Variants in KAZN observed in about 807,000 individuals in gnomAD.
The protein encoded by KAZN is kazrin.
Under a neutral mutation model 87.4 loss-of-function variants are expected in KAZN, and 40 were observed. The ratio of observed to expected loss-of-function variants is 0.46; its 90% CI spans 0.36 to 0.60. The LOEUF is 0.60. Among genes scored for constraint, KAZN ranks in the 20% least tolerant of loss-of-function variants. The pLI, the probability that KAZN is intolerant of heterozygous loss-of-function variation, is 0.00. For missense variants in KAZN, 898 were observed against 1,073.9 expected (o/e 0.84, Z 2.29); for synonymous variants, 466 against 458.3 (o/e 1.02, Z -0.22).
intron 1 of KAZN, among the ~76,000 whole-genome samples, chr1:14,738,628 G>T (rs1004509323): frequency 4.6e-5 from 7 of 152,160 alleles, no homozygotes; most frequent in Non-Finnish European, 8.8e-5. Context: ...TTCAGGAGAA[G>T]AGAGGTAAGT....
chr1:14,976,486 C>G (rs979429662), intron 2 of KAZN, among the ~76,000 whole-genome samples: 4 of 152,232 alleles, frequency 2.6e-5, no homozygotes, highest in Non-Finnish European at 4.4e-5. Flanking sequence ...CGACCCAGAA[C>G]ATGGTTCAGA....
intron 2 of KAZN, among the ~76,000 whole-genome samples, chr1:14,559,524 G>A (rs917530879): frequency 1.3e-5 from 2 of 152,184 alleles, no homozygotes; most frequent in African/African-American, 2.4e-5. Context: ...TCTTTAAAAT[G>A]AGACCAGAAT....
intron 1 of KAZN, chr1:14,924,211 G>C (rs1475551089): frequency 2.0e-6 from 2 of 981,342 alleles, no homozygotes; most frequent in Non-Finnish European, 2.4e-6. Context: ...GCCGGACTGA[G>C]AGCCCTGGTC....
In KAZN at chr1:14,624,347, G is replaced by A. The variant is rs111716494; in HGVS notation, c.226+25124G>A. Among the ~76,000 whole-genome samples, 996 of 152,064 alleles carry A rather than the reference G, an allele frequency of 6.5e-3. 11 individuals are homozygous for A. Among genetic ancestry groups the A allele is most frequent in the African/African-American group, 0.023 (943 of 41,486 alleles). ...TGAGGCAGGAGAATCGCTTGAATCC[G>A]GGAGGCGGAGGTTGCAGTGAGCCAA... On this transcript the variant is annotated intron_variant, in intron 1 of 14. Transcript: ENST00000376030.
intron 1 of KAZN, among the ~76,000 whole-genome samples, chr1:14,095,877 G>C (rs1644116118): frequency 6.6e-6 from 1 of 152,142 alleles, no homozygotes; most frequent in African/African-American, 2.4e-5. Context: ...CCTAGATTCA[G>C]AAGGATGGGA....
intron 1 of KAZN, among the ~76,000 whole-genome samples, chr1:13,957,976 C>T (rs969978463): frequency 1.3e-5 from 2 of 152,118 alleles, no homozygotes; most frequent in Non-Finnish European, 2.9e-5. Context: ...GGAACAGGGA[C>T]GTTCAGTGCT....
chr1:14,560,062 G>A (rs1360192826), intron 2 of KAZN, among the ~76,000 whole-genome samples: 1 of 152,144 alleles, frequency 6.6e-6, no homozygotes, highest in African/African-American at 2.4e-5. Context: ...TTTTTGTGGT[G>A]AATGGCCTTT....
chr1:14,684,846 T>A (rs138600208), intron 1 of KAZN, among the ~76,000 whole-genome samples: 57 of 152,242 alleles, frequency 3.7e-4, no homozygotes, highest in African/African-American at 1.4e-3. Context: ...CACCTAAAGA[T>A]CCTGAATCCC....
At chr1:14,275,490 G>GTGTGTGTGTC (rs1028648873) in intron 2 of KAZN, among the ~76,000 whole-genome samples, 18 of 143,894 alleles carry the variant, frequency 1.3e-4, no homozygotes, top group Admixed American at 2.1e-4. Flanking sequence ...GTGTGTGTGT[G>GTGTGTGTGTC]TCTAAACAAT....
intron 6 of KAZN, 28 bp downstream of exon 6, chr1:15,060,330 C>A (rs751017591): frequency 3.9e-5 from 63 of 1,613,260 alleles, no homozygotes; most frequent in Non-Finnish European, 5.3e-5. Context: ...GGGGCCTGGG[C>A]CCCTGGGCCC....
intron 1 of KAZN, among the ~76,000 whole-genome samples, chr1:14,651,863 G>A (rs981062965): frequency 6.6e-5 from 10 of 152,142 alleles, no homozygotes; most frequent in Admixed American, 1.3e-4. Context: ...CTTCCTACTC[G>A]CCTTCTAACT....
chr1:14,574,784 G>A (rs1675079080), intron 2 of KAZN, among the ~76,000 whole-genome samples: 1 of 152,170 alleles, frequency 6.6e-6, no homozygotes, highest in Admixed American at 6.5e-5. Context: ...GCCCTTGTGA[G>A]CTTTCAGCCC....
In KAZN at chr1:14,949,772, A is replaced by G. The variant is rs1228113825; in HGVS notation, c.227-10912A>G. ...ACTGTCACCCTTCCAGGACAGCGAC[A>G]TGGTTGCTGCCCAGCCTGTGTTTGG... On this transcript the variant is annotated intron_variant, in intron 1 of 14. Coordinates refer to ENST00000376030, the MANE Select transcript of KAZN (RefSeq NM_201628.3). The surrounding 1 kb of genome is among the most constrained non-coding windows in gnomAD (Gnocchi z 4.3). Among the ~76,000 whole-genome samples, 3 of 152,222 alleles carry G rather than the reference A, an allele frequency of 2.0e-5. No individual in the cohort carries two copies. The highest frequency in any genetic ancestry group is 1.9e-4 in the East Asian group (1 of 5,166).
rs929628272 is a variant in KAZN, at chr1:14,248,219, A to T, written c.249+67627A>T. ...GTGGTGTAGTCATAATAACACGGGA[A>T]TTCCAGACAGGAGACATGGATTCTA... On this transcript the variant is annotated intron_variant, in intron 2 of 16. Coordinates refer to the KAZN transcript ENST00000636203. Among the ~76,000 whole-genome samples, 12 of 152,352 alleles carry T rather than the reference A, an allele frequency of 7.9e-5. No homozygotes were observed. The East Asian group carries it at 1.3e-3, about 17-fold the overall frequency.
chr1:14,788,544 G>A (rs1645579266), intron 1 of KAZN, among the ~76,000 whole-genome samples: 1 of 152,086 alleles, frequency 6.6e-6, no homozygotes, highest in Admixed American at 6.5e-5. Flanking sequence ...TCCTACCTCA[G>A]GCTTTTAGAG....
At chr1:14,020,426 C>A (rs1294263403) in intron 1 of KAZN, among the ~76,000 whole-genome samples, 2 of 152,184 alleles carry the variant, frequency 1.3e-5, no homozygotes, top group African/African-American at 2.4e-5. Flanking sequence ...TCACCCCCAT[C>A]CCTAGACCCA....
intron 1 of KAZN, among the ~76,000 whole-genome samples, chr1:14,858,209 C>CTTTCTTTT (rs1650377466): frequency 8.6e-6 from 1 of 115,892 alleles, no homozygotes; most frequent in Non-Finnish European, 1.7e-5. Flanking sequence ...TTTTCTTTTT[C>CTTTCTTTT]TTTTCTTTTT....
intron 8 of KAZN, among the ~76,000 whole-genome samples, chr1:15,076,546 C>T (rs1294362286): frequency 6.6e-6 from 1 of 152,212 alleles, no homozygotes; most frequent in African/African-American, 2.4e-5. Flanking sequence ...GACACCCCAG[C>T]TGCTTCTTTC....
Position 14,769,623 on chromosome 1 carries a change from G to A in KAZN, c.226+170400G>A, listed in dbSNP as rs1337594087. Among the ~76,000 whole-genome samples, 1 of 152,104 alleles carries A rather than the reference G, an allele frequency of 6.6e-6. No individual in the cohort carries two copies. Among genetic ancestry groups the A allele is most frequent in the African/African-American group, 2.4e-5 (1 of 41,404 alleles). On this transcript the variant is annotated intron_variant, in intron 1 of 14. Transcript: ENST00000376030. This position sits in a 1 kb window ranked among gnomAD's most constrained non-coding sequence, Gnocchi z 4.1. ...CCTGCCTCAGCCTCCCAAAGTCCTG[G>A]GATTACAGGCGTGAGCCACCGTGCC... is the stretch of plus-strand genomic sequence containing the variant.
Sources: gnomAD v4.1 joint callset for allele counts (sites outside exome capture counted in the v4.1 genomes callset) on GRCh38, gnomAD v4.1.1 for gene constraint, Gnocchi (gnomAD v3.1) non-coding constraint, MANE v1.5 for transcripts, NCBI Gene and HGNC (gene_info 2026-07-23, HGNC 2026-07-21) for gene names.